The following MAP3K21 variants were observed in gnomAD, a reference collection of about 807,000 sequenced individuals.
MAP3K21 encodes mitogen-activated protein kinase kinase kinase MLK4.
MAP3K21 carries 63 observed loss-of-function variants against 86.1 expected under a neutral mutation model. That is an observed-to-expected ratio of 0.73 (90% CI 0.60 to 0.90). The LOEUF is 0.90. MAP3K21 is among the 40% of genes least tolerant of loss of function. The pLI, the probability that MAP3K21 is intolerant of heterozygous loss-of-function variation, is 0.00. For synonymous variants in MAP3K21, 558 were observed against 564.8 expected, an observed-to-expected ratio of 0.99 and a Z score of 0.17; for missense variants, 1,220 against 1,367.7, an observed-to-expected ratio of 0.89 and a Z score of 1.70.
chr1:233,336,460 G>C (rs1437510805), intron 1 of MAP3K21, among the ~76,000 whole-genome samples: 1 of 152,042 alleles, frequency 6.6e-6, no homozygotes, highest in Non-Finnish European at 1.5e-5. Context: ...AGAATTGCTT[G>C]AATCAAGGAG....
chr1:233,360,621 G>T, intron 4 of MAP3K21, among the ~76,000 whole-genome samples: 1 of 152,094 alleles, frequency 6.6e-6, no homozygotes, highest in African/African-American at 2.4e-5. Flanking sequence ...TAGTCTCTTC[G>T]TGATATTGTC....
chr1:233,379,447 A>G lies in MAP3K21; in HGVS notation c.2441A>G (p.Gln814Arg). 1 of 1,614,202 alleles carries G rather than the reference A, an allele frequency of 6.2e-7. No individual in the cohort carries two copies. Among genetic ancestry groups the G allele is most frequent in the Admixed American group, 1.7e-5 (1 of 60,026 alleles). ...TPSFSTKCLL[Q>R]MDSEDPLVDS... ...TCTTTCTCCACAAAGTGCCTGCTGC[A>G]GATGGACAGTGAAGATCCACTGGTG... The change falls in exon 9 of 10, where the codon CAG becomes CGG. Residue 814 changes from glutamine to arginine, a missense_variant. Around this residue, in one of 5 missense-constraint regions of MAP3K21, gnomAD observed 632 missense variants for 691.3 expected, o/e 0.91. Coordinates refer to ENST00000366624, the MANE Select transcript of MAP3K21 (RefSeq NM_032435.3).
At chr1:233,365,204 C>T (rs1663550271) in intron 5 of MAP3K21, among the ~76,000 whole-genome samples, 3 of 152,082 alleles carry the variant, frequency 2.0e-5, no homozygotes, top group Non-Finnish European at 2.9e-5. Flanking sequence ...CAATTCAGGA[C>T]ATGGGCCTAG....
rs145103476 is a variant in MAP3K21, at chr1:233,353,853, C to T, written c.1033C>T (p.Arg345Trp). ...WELLTGEVPY[R>W]GIDGLAVAYG... ...ACTGCTCACCGGAGAAGTCCCCTATCGGGGCATTGATGGCCTCGCCGTGGC... is the reference window on the plus strand; with the variant it reads ...ACTGCTCACCGGAGAAGTCCCCTATTGGGGCATTGATGGCCTCGCCGTGGC... Residue 345 changes from arginine to tryptophan, a missense_variant, in exon 3 of 10, where the codon CGG becomes TGG. Physicochemically the swap from Arg to Trp is moderately radical, Grantham distance 101. This residue lies in a region of MAP3K21 where 89 missense variants were observed against 144.8 expected (regional missense o/e 0.61). Coordinates refer to ENST00000366624, the MANE Select transcript of MAP3K21 (RefSeq NM_032435.3). 1.4e-5 allele frequency: 22 copies of T among 1,610,826 alleles called. No individual in the cohort carries two copies. Among genetic ancestry groups the T allele is most frequent in the African/African-American group, 5.4e-5 (4 of 74,712 alleles).
intron 7 of MAP3K21, 74 bp downstream of exon 7, chr1:233,376,140 C>T: frequency 7.7e-7 from 1 of 1,302,888 alleles, no homozygotes; most frequent in Non-Finnish European, 1.1e-6. Flanking sequence ...TCACATCAGC[C>T]AGACTTTCAA....
At chr1:233,376,333 T>C in intron 7 of MAP3K21, 97 bp from the exon 8 acceptor site, 1 of 901,434 alleles carries the variant, frequency 1.1e-6, no homozygotes, top group South Asian at 1.5e-5. Context: ...TGTGTTCTCT[T>C]TACTACCTTA....
Position 233,328,814 on chromosome 1 carries a change from G to A in MAP3K21, c.786G>A (p.Arg262=). The A allele has an allele frequency of 2.6e-6, 4 of 1,534,238 alleles. No individual in the cohort carries two copies. The highest frequency in any genetic ancestry group is 2.6e-6 in the Non-Finnish European group (3 of 1,139,408). ...HEEAFVPILH[R]DLKSSNILLL... Reference sequence around the variant, plus strand: ...AGGCCTTCGTGCCCATCCTGCACCGGGACCTCAAGTCCAGCAACAGTAAGT... The same window carrying A: ...AGGCCTTCGTGCCCATCCTGCACCGAGACCTCAAGTCCAGCAACAGTAAGT... Residue 262 remains arginine, a synonymous_variant, in exon 1 of 10, where the codon CGG becomes CGA. Transcript: ENST00000366624. This position sits in a 1 kb window ranked among gnomAD's most constrained non-coding sequence, Gnocchi z 8.7.
chr1:233,378,297 C>A (rs541080210), intron 8 of MAP3K21, among the ~76,000 whole-genome samples: 1 of 152,214 alleles, frequency 6.6e-6, no homozygotes, highest in Non-Finnish European at 1.5e-5. Flanking sequence ...GATTCTGTAA[C>A]CTCTTGGGAG....
chr1:233,343,203 C>A (rs1558452553), intron 1 of MAP3K21, among the ~76,000 whole-genome samples: 1 of 152,066 alleles, frequency 6.6e-6, no homozygotes, highest in Non-Finnish European at 1.5e-5. Flanking sequence ...AAATCTCAAG[C>A]CTTGAAAAAG....
intron 2 of MAP3K21, among the ~76,000 whole-genome samples, chr1:233,350,888 T>C (rs551517762): frequency 1.2e-4 from 19 of 152,356 alleles, no homozygotes; most frequent in African/African-American, 3.4e-4. Flanking sequence ...AAATGTGTAC[T>C]ATACTTTAGA....
At chr1:233,335,170 A>T (rs942822004) in intron 1 of MAP3K21, among the ~76,000 whole-genome samples, 1 of 152,096 alleles carries the variant, frequency 6.6e-6, no homozygotes, top group African/African-American at 2.4e-5. Flanking sequence ...CCCGAAAAAT[A>T]GAAGCACCCC....
chr1:233,358,961 C>G (rs541236147), intron 4 of MAP3K21, among the ~76,000 whole-genome samples: 61 of 152,170 alleles, frequency 4.0e-4, no homozygotes, highest in Admixed American at 1.1e-3. Context: ...AGGCGCCCAC[C>G]ACCACACCCG....
intron 1 of MAP3K21, among the ~76,000 whole-genome samples, chr1:233,339,461 C>A (rs1572240257): frequency 1.1e-5 from 1 of 88,108 alleles, no homozygotes; most frequent in Non-Finnish European, 2.2e-5. Context: ...TCCTTCTCCT[C>A]CTCCTTCTCC....
intron 5 of MAP3K21, among the ~76,000 whole-genome samples, chr1:233,365,717 T>C (rs1033501263): frequency 6.6e-5 from 10 of 152,212 alleles, no homozygotes; most frequent in African/African-American, 2.4e-4. Context: ...TTTTAAATCT[T>C]ATGGCTATCT....
chr1:233,360,046 A>G (rs371348824), intron 4 of MAP3K21, among the ~76,000 whole-genome samples: 1 of 152,252 alleles, frequency 6.6e-6, no homozygotes. Context: ...TTATTCAATT[A>G]CTATCGTAGC....
chr1:233,382,184 T>A, intron 9 of MAP3K21, 121 bp from the exon 10 acceptor site: 1 of 877,350 alleles, frequency 1.1e-6, no homozygotes, highest in Non-Finnish European at 1.7e-6. Context: ...ATGTTTTTTG[T>A]TGAAGCTCAT....
At chr1:233,346,083 A>G (rs1432255166) in intron 1 of MAP3K21, among the ~76,000 whole-genome samples, 2 of 152,342 alleles carry the variant, frequency 1.3e-5, no homozygotes, top group East Asian at 1.9e-4. Flanking sequence ...AGTAGAAAAC[A>G]TTCTGTACTT....
At position 233,382,681 on chromosome 1, in the gene MAP3K21, A is replaced by G; in HGVS notation, c.3081A>G (p.Ile1027Met). The G allele has an allele frequency of 6.2e-7, 1 of 1,613,626 alleles. No homozygotes were observed. Reference sequence around the variant, plus strand: ...GGAGCAAAACCAGCCGGCCATCTATATATGAACTGGAGAAAGAATTCCTGT... The same window carrying G: ...GGAGCAAAACCAGCCGGCCATCTATGTATGAACTGGAGAAAGAATTCCTGT... ...RMRSKTSRPS[I>M]YELEKEFLS The change falls in exon 10 of 10, where the codon ATA becomes ATG. Residue 1027 changes from isoleucine (I) to methionine (M), a missense_variant. This residue lies in a region of MAP3K21 where 632 missense variants were observed against 691.3 expected (regional missense o/e 0.91). Transcript: ENST00000366624.
intron 5 of MAP3K21, among the ~76,000 whole-genome samples, chr1:233,363,559 G>A (rs951210957): frequency 9.9e-5 from 15 of 152,014 alleles, no homozygotes; most frequent in South Asian, 6.2e-4. Context: ...AAAAGTAGCC[G>A]GGCATGGTGG....
Sources: gnomAD v4.1 joint callset for allele counts (sites outside exome capture counted in the v4.1 genomes callset) on GRCh38, gnomAD v4.1.1 for gene constraint, gnomAD v4.1.1 regional missense constraint, Gnocchi (gnomAD v3.1) non-coding constraint, MANE v1.5 for transcripts, NCBI Gene and HGNC (gene_info 2026-07-23, HGNC 2026-07-21) for gene names.